Variants in NRF1 observed in about 807,000 individuals in gnomAD.
The protein encoded by NRF1 is alpha palindromic-binding protein.
In NRF1, 5 loss-of-function variants were observed where a neutral mutation model predicts 58.5. The observed-to-expected ratio is 0.09, with a 90% CI of 0.04 to 0.18. The LOEUF (loss-of-function observed/expected upper bound fraction) is 0.18, where lower values mean the gene tolerates loss of function less well. Among genes scored for constraint, NRF1 ranks in the 10% least tolerant of loss-of-function variants. The pLI is 1.00. For missense variants in NRF1, 288 were observed against 657.7 expected (o/e 0.44, Z 6.15); for synonymous variants, 224 against 246.7 (o/e 0.91, Z 0.86).
At chr7:129,635,711 A>G (rs1471765501) in intron 1 of NRF1, among the ~76,000 whole-genome samples, 1 of 152,126 alleles carries the variant, frequency 6.6e-6, no homozygotes, top group African/African-American at 2.4e-5. Context: ...GGATGCATGC[A>G]AGGCCCACGT....
At chr7:129,751,117 G>A (rs964189120) in intron 10 of NRF1, among the ~76,000 whole-genome samples, 1 of 152,230 alleles carries the variant, frequency 6.6e-6, no homozygotes, top group Non-Finnish European at 1.5e-5. Context: ...GAGGACCCAA[G>A]ATGGGGAGGA....
At chr7:129,620,636 T>G (rs1184537536) in intron 1 of NRF1, among the ~76,000 whole-genome samples, 1 of 152,204 alleles carries the variant, frequency 6.6e-6, no homozygotes, top group Non-Finnish European at 1.5e-5. Context: ...TCCGCCCGCC[T>G]TGGCCTCCCA....
At position 129,756,194 on chromosome 7, in the gene NRF1, C is replaced by A. The variant is rs80150480; in HGVS notation, c.*1013C>A. The A allele has an allele frequency of 6.0e-3, 911 of 152,272 alleles. 4 individuals are homozygous for A. Among genetic ancestry groups the A allele is most frequent in the Non-Finnish European group, 8.0e-3 (542 of 68,052 alleles). 9.4% of individuals were successfully genotyped at this position (152,272 alleles called of 1,614,324 possible). A position where few individuals can be genotyped will look rare whatever the true frequency, so the allele number is the denominator to read the frequency against. ...AAATCGTCCTAGACCAGGATACACC[C>A]GTGGGAGCAATTTTCTCTACTGTCT... is the stretch of plus-strand genomic sequence containing the variant. On this transcript the variant is annotated 3_prime_UTR_variant, in exon 11 of 11. Transcript: ENST00000393232.
At chr7:129,710,623 G>A (rs1231595175) in intron 7 of NRF1, 52 bp downstream of exon 7, 1 of 911,940 alleles carries the variant, frequency 1.1e-6, no homozygotes, top group Non-Finnish European at 1.8e-6. Context: ...GGATCAGTGG[G>A]CACCTCACCT....
At chr7:129,754,139 ACTTTT>A (rs1006189414) in intron 10 of NRF1, among the ~76,000 whole-genome samples, 4 of 151,910 alleles carry the variant, frequency 2.6e-5, no homozygotes, top group East Asian at 1.9e-4. Flanking sequence ...ATTTCTCTAA[ACTTTT>A]CTTTTCTGAT....
intron 4 of NRF1, among the ~76,000 whole-genome samples, chr7:129,685,466 T>A (rs1277524276): frequency 1.3e-5 from 2 of 152,146 alleles, no homozygotes; most frequent in African/African-American, 4.8e-5. Flanking sequence ...CTGGTAATTA[T>A]AAAATGTTTG....
At position 129,717,391 on chromosome 7, in the gene NRF1, G is replaced by C; in HGVS notation, c.1223+15G>C. On this transcript the variant is annotated intron_variant, in intron 9 of 10. Transcript: ENST00000393232. The stretch of plus-strand genomic sequence containing the variant: ...GCGCTTAACAGGTGGTGGCAAGAGT[G>C]TGGGAATAAGTGAGGATCGCAAATC... 2 of 1,593,106 alleles carry C rather than the reference G, an allele frequency of 1.3e-6. No individual in the cohort carries two copies. The highest frequency in any genetic ancestry group is 8.6e-7 in the Non-Finnish European group (1 of 1,169,456).
At chr7:129,670,732 C>T (rs1802029531) in intron 2 of NRF1, among the ~76,000 whole-genome samples, 1 of 152,142 alleles carries the variant, frequency 6.6e-6, no homozygotes, top group Non-Finnish European at 1.5e-5. Context: ...CTTCAAAAGA[C>T]AAAACAAGAC....
Position 129,622,911 on chromosome 7 carries a change from C to T in NRF1, c.-7+11087C>T, listed in dbSNP as rs143916631. 6.0e-4 allele frequency among the ~76,000 whole-genome samples: 92 copies of T among 152,332 alleles called. 1 individual carries two copies. In the East Asian group the frequency reaches 0.015, roughly 25 times the overall value. ...TAAGCACACATGGATATACACAATA[C>T]ATATTCACACTATCAATTTATTTTT... On this transcript the variant is annotated intron_variant, in intron 1 of 10. Coordinates refer to ENST00000393232, the MANE Select transcript of NRF1 (RefSeq NM_005011.5).
intron 1 of NRF1, chr7:129,633,835 GAATA>G (rs959015700): frequency 3.4e-4 from 51 of 150,834 alleles, no homozygotes; most frequent in African/African-American, 1.0e-3. Context: ...TGTACTTTAA[GAATA>G]AATATATATA....
At chr7:129,678,984 G>A (rs909997455) in intron 4 of NRF1, among the ~76,000 whole-genome samples, 3 of 152,076 alleles carry the variant, frequency 2.0e-5, no homozygotes, top group South Asian at 2.1e-4. Context: ...ATAAATACAG[G>A]TTAGGGACTT....
chr7:129,743,117 C>T (rs1803887259), intron 10 of NRF1, among the ~76,000 whole-genome samples: 1 of 151,866 alleles, frequency 6.6e-6, no homozygotes, highest in Non-Finnish European at 1.5e-5. Context: ...TCTTTTTCAC[C>T]TTTTTGTATT....
chr7:129,707,741 T>C (rs966064151), intron 5 of NRF1, among the ~76,000 whole-genome samples: 2 of 152,030 alleles, frequency 1.3e-5, no homozygotes, highest in African/African-American at 4.8e-5. Flanking sequence ...CAGGAGACTG[T>C]TGGGGCATTG....
Position 129,658,257 on chromosome 7 carries a change from C to G in NRF1, c.223+683C>G, listed in dbSNP as rs560822442. On this transcript the variant is annotated intron_variant, in intron 2 of 10. Transcript: ENST00000393232. ...GAAAGTTATAAGCTTTTACTATTATCAATACCTGTAGAAATTGTAACATAC... is the reference window on the plus strand; with the variant it reads ...GAAAGTTATAAGCTTTTACTATTATGAATACCTGTAGAAATTGTAACATAC... Among the ~76,000 whole-genome samples the G allele has an allele frequency of 4.6e-5, 7 of 151,950 alleles. No homozygotes were observed. The South Asian group carries it at 1.5e-3, about 32-fold the overall frequency.
chr7:129,632,266 C>T (rs1360631784), intron 1 of NRF1, among the ~76,000 whole-genome samples: 1 of 151,840 alleles, frequency 6.6e-6, no homozygotes. Context: ...AAAGGGAGAC[C>T]CTGTCTCTTA....
At chr7:129,714,849 A>C (rs1803151913) in intron 8 of NRF1, among the ~76,000 whole-genome samples, 1 of 152,158 alleles carries the variant, frequency 6.6e-6, no homozygotes, top group African/African-American at 2.4e-5. Context: ...TAGAGCTTGG[A>C]GCACTTTCTT....
chr7:129,645,738 G>T (rs973378310), intron 1 of NRF1, among the ~76,000 whole-genome samples: 2 of 152,116 alleles, frequency 1.3e-5, no homozygotes, highest in Non-Finnish European at 2.9e-5. Context: ...TTAAAGAGTA[G>T]GTCAGATAGA....
At chr7:129,732,174 A>C (rs1359344489) in intron 10 of NRF1, among the ~76,000 whole-genome samples, 1 of 152,134 alleles carries the variant, frequency 6.6e-6, no homozygotes, top group African/African-American at 2.4e-5. Flanking sequence ...AAGCCTCAGA[A>C]AACCAGGCCT....
intron 5 of NRF1, among the ~76,000 whole-genome samples, chr7:129,691,630 C>T (rs961829820): frequency 6.6e-6 from 1 of 152,162 alleles, no homozygotes. Context: ...GCTGGGATTA[C>T]AGGCGTGAGC....
Sources: gnomAD v4.1 joint callset for allele counts (sites outside exome capture counted in the v4.1 genomes callset) on GRCh38, gnomAD v4.1.1 for gene constraint, MANE v1.5 for transcripts, NCBI Gene and HGNC (gene_info 2026-07-23, HGNC 2026-07-21) for gene names.